Variants in NYNRIN observed in about 807,000 individuals in gnomAD.
NYNRIN encodes the protein NYN domain and retroviral integrase containing.
A neutral mutation model predicts 146.6 loss-of-function variants in NYNRIN; 86 were observed. That is an observed-to-expected ratio of 0.59 (90% confidence interval 0.49 to 0.70). The LOEUF is 0.70. Ranked by LOEUF, NYNRIN falls within the 30% of genes least tolerant of loss-of-function variation. The pLI is 0.00. For synonymous variants in NYNRIN, 1,027 were observed against 1,001.3 expected, an observed-to-expected ratio of 1.03 and a Z score of -0.48; for missense variants, 2,191 against 2,377.7, an observed-to-expected ratio of 0.92 and a Z score of 1.63.
chr14:24,414,010 G>A (rs2042928916), intron 8 of NYNRIN, among the ~76,000 whole-genome samples: 1 of 152,206 alleles, frequency 6.6e-6, no homozygotes, highest in Non-Finnish European at 1.5e-5. Context: ...CTTTTCCAAG[G>A]TCACATTGCT....
chr14:24,412,718 ATGTATG>A (rs2042919668), intron 6 of NYNRIN: 1 of 305,318 alleles, frequency 3.3e-6, no homozygotes, highest in Non-Finnish European at 6.2e-6. Flanking sequence ...GTGCTTGTCT[ATGTATG>A]TGCCTATGCG....
chr14:24,413,001 A>G lies in NYNRIN; in HGVS notation c.2647A>G (p.Met883Val). 2 of 1,593,416 alleles carry G rather than the reference A, an allele frequency of 1.3e-6. No individual in the cohort carries two copies. Among genetic ancestry groups the G allele is most frequent in the Non-Finnish European group, 1.7e-6 (2 of 1,169,316 alleles). The change falls in exon 7 of 9, where the codon ATG becomes GTG. Residue 883 changes from methionine to valine, a missense_variant. Transcript: ENST00000382554. ...KKITTYDYRF[M>V]VKLAEETDGI... ...TGACTTCCCCTCTCCCTGCAGGTTC[A>G]TGGTAAAGCTGGCAGAGGAGACAGA...
In NYNRIN at chr14:24,413,252, G is replaced by A. The variant is rs559325891; in HGVS notation, c.2745-64G>A. 13 of 1,503,648 alleles carry A rather than the reference G, an allele frequency of 8.6e-6. No homozygotes were observed. The African/African-American group carries it at 1.4e-4, about 16-fold the overall frequency. The allele number at this position is 1,503,648 out of a possible 1,614,324, so 93.1% of individuals were successfully genotyped here. ...TCTCAGCGCCATGGAGAAGCCAGGC[G>A]ACAACAGGGTGTGGGTGGGTCAAGG... is the stretch of plus-strand genomic sequence containing the variant. On this transcript the variant is annotated intron_variant, in intron 7 of 8. Transcript: ENST00000382554.
At chr14:24,403,001 A>G (rs2042854351) in intron 2 of NYNRIN, among the ~76,000 whole-genome samples, 1 of 152,110 alleles carries the variant, frequency 6.6e-6, no homozygotes, top group African/African-American at 2.4e-5. Flanking sequence ...CTTTTAATTA[A>G]TTGACGTTTG....
rs1178457856 is a variant in NYNRIN, at chr14:24,411,770, G to A, written c.2642+320G>A. On this transcript the variant is annotated intron_variant, in intron 6 of 8. Coordinates refer to ENST00000382554, the MANE Select transcript of NYNRIN (RefSeq NM_025081.3). The surrounding 1 kb of genome is among the most constrained non-coding windows in gnomAD (Gnocchi z 4.3). ...AGGTTCCCCAGGGTTTTGGGTGCCC[G>A]TTTCGGTTGAGGCTCATGTCTCCAG... Among the ~76,000 whole-genome samples, 3 of 152,176 alleles carry A rather than the reference G, an allele frequency of 2.0e-5. No individual in the cohort carries two copies. The highest frequency in any genetic ancestry group is 2.9e-5 in the Non-Finnish European group (2 of 68,030).
At position 24,415,821 on chromosome 14, in the gene NYNRIN, G is replaced by A. The variant is rs1318611091; in HGVS notation, c.4072G>A (p.Val1358Met). ...GCCAACCTATGCCCACCTGGCAGCC[G>A]TGGCCTGCGGCCTGGAGCGCTTTGG... The part of the protein sequence containing the change: ...YTPTYAHLAA[V>M]ACGLERFGQS... Residue 1358 changes from valine to methionine, a missense_variant, in exon 9 of 9, where the codon GTG (valine) becomes ATG (methionine). Val to Met is a conservative substitution (Grantham distance 21). Around this residue, in one of 3 missense-constraint regions of NYNRIN, gnomAD observed 1,291 missense variants for 1,417.0 expected, o/e 0.91. Coordinates refer to ENST00000382554, the MANE Select transcript of NYNRIN (RefSeq NM_025081.3). The A allele has an allele frequency of 6.8e-6, 11 of 1,613,864 alleles. No individual in the cohort carries two copies. The highest frequency in any genetic ancestry group is 2.7e-5 in the African/African-American group (2 of 75,032).
chr14:24,407,743 T>G, intron 2 of NYNRIN, 126 bp from the exon 3 acceptor site: 3 of 828,648 alleles, frequency 3.6e-6, no homozygotes, highest in Non-Finnish European at 3.7e-6. Flanking sequence ...TGGCTCATGG[T>G]GGATGGGGGG....
chr14:24,414,936 C>T lies in NYNRIN; in HGVS notation c.3187C>T (p.Pro1063Ser). ...CGACCTCCTGCCAGGGGCAGCTTCT[C>T]CCTACCTGGGCATCCCCTGGGATGG... ...DIDLLPGAAS[P>S]YLGIPWDGKA... Residue 1063 changes from proline (P) to serine (S), a missense_variant, in exon 9 of 9, where the codon CCC becomes TCC. Physicochemically the swap from Pro to Ser is moderately conservative, Grantham distance 74. Transcript: ENST00000382554. 6.3e-7 allele frequency: 1 copy of T among 1,599,454 alleles called. No homozygotes were observed. Among genetic ancestry groups the T allele is most frequent in the Non-Finnish European group, 8.6e-7 (1 of 1,169,266 alleles).
chr14:24,417,597 G>A lies in NYNRIN; in HGVS notation c.*151G>A. 8.0e-6 allele frequency: 9 copies of A among 1,128,136 alleles called. No homozygotes were observed. The highest frequency in any genetic ancestry group is 1.1e-5 in the Non-Finnish European group (9 of 853,426). The allele number at this position is 1,128,136 out of a possible 1,614,324, so 69.9% of individuals were successfully genotyped here. A position where few individuals can be genotyped will look rare whatever the true frequency, so the allele number is the denominator to read the frequency against. ...TCATAAAGCTTTGCTGAATTGCCTT[G>A]AACTAGGGACCAGCATCCCCATGGA... On this transcript the variant is annotated 3_prime_UTR_variant, in exon 9 of 9. Coordinates refer to ENST00000382554, the MANE Select transcript of NYNRIN (RefSeq NM_025081.3).
rs752248841 is a variant in NYNRIN, at chr14:24,416,637, G to A, written c.4888G>A (p.Glu1630Lys). The A allele has an allele frequency of 1.2e-6, 2 of 1,613,942 alleles. No individual in the cohort carries two copies. The highest frequency in any genetic ancestry group is 3.3e-5 in the Admixed American group (2 of 60,030). Reference sequence around the variant, plus strand: ...GGTGGGCCCGGTCACCATAAGTGAGGAGGGCCATAAGCATGTACTTATTGT... The same window carrying A: ...GGTGGGCCCGGTCACCATAAGTGAGAAGGGCCATAAGCATGTACTTATTGT... ...EVVGPVTISE[E>K]GHKHVLIVAD... The change falls in exon 9 of 9, where the codon GAG becomes AAG. Residue 1630 changes from glutamate to lysine, a missense_variant. Physicochemically the swap from Glu to Lys is moderately conservative, Grantham distance 56. Transcript: ENST00000382554.
intron 2 of NYNRIN, 56 bp downstream of exon 2, chr14:24,399,500 C>A: frequency 6.8e-7 from 1 of 1,469,698 alleles, no homozygotes; most frequent in South Asian, 1.3e-5. Flanking sequence ...ACTCTCTCCC[C>A]TTCCCCTGGG....
Position 24,415,957 on chromosome 14 carries a change from C to T in NYNRIN, c.4208C>T (p.Ala1403Val). 8.7e-6 allele frequency: 14 copies of T among 1,613,884 alleles called. No homozygotes were observed. Among genetic ancestry groups the T allele is most frequent in the Non-Finnish European group, 1.2e-5 (14 of 1,179,894 alleles). Residue 1403 changes from alanine (A) to valine (V), a missense_variant, in exon 9 of 9, where the codon GCT becomes GTT. By Grantham distance (64) the Ala-to-Val change is moderately conservative. Around this residue, in one of 3 missense-constraint regions of NYNRIN, gnomAD observed 1,291 missense variants for 1,417.0 expected, o/e 0.91. Coordinates refer to ENST00000382554, the MANE Select transcript of NYNRIN (RefSeq NM_025081.3). ...RARGFLSSDG[A>V]PLPHPSLLSY... ...CGGGGCTTCCTCTCCTCTGATGGGG[C>T]TCCACTCCCTCACCCAAGCCTGCTC...
chr14:24,399,171 G>A, intron 1 of NYNRIN, 59 bp from the exon 2 acceptor site: 1 of 1,420,208 alleles, frequency 7.0e-7, no homozygotes, highest in Non-Finnish European at 9.7e-7. Flanking sequence ...CCTGGGGCTG[G>A]GGGCTGGGGC....
At chr14:24,413,553 CAT>C (rs1301773968) in intron 8 of NYNRIN, 136 bp downstream of exon 8, 49 of 599,708 alleles carry the variant, frequency 8.2e-5, no homozygotes, top group Non-Finnish European at 1.2e-4. Context: ...ACTTGTGCCA[CAT>C]GTTTATGTGT....
chr14:24,411,238 A>G lies in NYNRIN; in HGVS notation c.2545+32A>G, dbSNP rs1317070489. 2.5e-6 allele frequency: 4 copies of G among 1,609,702 alleles called. No individual in the cohort carries two copies. The highest frequency in any genetic ancestry group is 1.3e-5 in the African/African-American group (1 of 74,502). On this transcript the variant is annotated intron_variant, in intron 5 of 8. Coordinates refer to ENST00000382554, the MANE Select transcript of NYNRIN (RefSeq NM_025081.3). The surrounding 1 kb of genome is among the most constrained non-coding windows in gnomAD (Gnocchi z 4.3). ...TGTCCCCTGCCTGCCCAGCCTCCAC[A>G]GTGTCACCAAGCTTTCTTCTCTCTG...
chr14:24,414,447 G>A, intron 8 of NYNRIN, 149 bp from the exon 9 acceptor site: 2 of 1,197,766 alleles, frequency 1.7e-6, no homozygotes, highest in Non-Finnish European at 2.2e-6. Context: ...TTTATAGGCA[G>A]GGGCCCAATT....
rs2042962204 is a variant in NYNRIN at position 24,418,286 on chromosome 14, G to T, written c.*840G>T. 2.2e-6 allele frequency: 1 copy of T among 456,190 alleles called. No homozygotes were observed. The highest frequency in any genetic ancestry group is 4.4e-6 in the Non-Finnish European group (1 of 226,800). The allele number at this position is 456,190 out of a possible 1,614,324, so 28.3% of individuals were successfully genotyped here. A position where few individuals can be genotyped will look rare whatever the true frequency, so the allele number is the denominator to read the frequency against. On this transcript the variant is annotated 3_prime_UTR_variant, in exon 9 of 9. Transcript: ENST00000382554. ...AGAGCTGCTTCTGTTAGACCCAGGG[G>T]CCCCGGCCTCTGTTTTAAGGGGGCA...
In NYNRIN at chr14:24,399,276, G is replaced by T. The variant is rs760538685; in HGVS notation, c.30G>T (p.Ala10=). 7 of 1,613,770 alleles carry T rather than the reference G, an allele frequency of 4.3e-6. No individual in the cohort carries two copies. Among genetic ancestry groups the T allele is most frequent in the Non-Finnish European group, 5.9e-6 (7 of 1,179,858 alleles). ...TCCTGTCTGGGGGCGATCCTCCGGC[G>T]CAGGAATGGTTCATGGTGCAGACAA... MLLSGGDPP[A]QEWFMVQTKS... The change falls in exon 2 of 9, where the codon GCG becomes GCT. Residue 10 remains alanine (A), a synonymous_variant. Coordinates refer to ENST00000382554, the MANE Select transcript of NYNRIN (RefSeq NM_025081.3).
In NYNRIN at chr14:24,414,665, T is replaced by C. The variant is rs775874733; in HGVS notation, c.2916T>C (p.Thr972=). ...KTLPPSSASV[T]ELSDDADSGP... is the part of the protein sequence containing the mutation. ...TTCCTCCCAGCTCAGCCAGTGTCAC[T>C]GAGCTGAGTGATGACGCTGACTCTG... The change falls in exon 9 of 9, where the codon ACT becomes ACC. Residue 972 remains threonine, a synonymous_variant. Transcript: ENST00000382554. 6.2e-7 allele frequency: 1 copy of C among 1,613,748 alleles called. No homozygotes were observed.
Sources: gnomAD v4.1 joint callset for allele counts (sites outside exome capture counted in the v4.1 genomes callset) on GRCh38, gnomAD v4.1.1 for gene constraint, gnomAD v4.1.1 regional missense constraint, Gnocchi (gnomAD v3.1) non-coding constraint, MANE v1.5 for transcripts, NCBI Gene and HGNC (gene_info 2026-07-23, HGNC 2026-07-21) for gene names.